GLG1: variants seen among roughly 807,000 people sequenced by gnomAD.
GLG1 encodes Golgi apparatus protein 1.
GLG1 carries 38 observed loss-of-function variants against 160.5 expected under a neutral mutation model. The ratio of observed to expected loss-of-function variants is 0.24; its 90% CI spans 0.18 to 0.31. GLG1 has a LOEUF of 0.31. GLG1 is among the 10% of genes least tolerant of loss of function. The probability of loss-of-function intolerance (pLI) is 1.00; values close to 1 mark genes in which losing one functional copy is unlikely to be tolerated. For synonymous variants in GLG1, 644 were observed against 543.4 expected (o/e 1.19, Z -2.57); for missense variants, 1,373 against 1,505.2 (o/e 0.91, Z 1.45).
At chr16:74,501,474 T>G (rs886616873) in intron 4 of GLG1, among the ~76,000 whole-genome samples, 23 of 152,212 alleles carry the variant, frequency 1.5e-4, no homozygotes, top group African/African-American at 5.3e-4. Context: ...TGTCGTGCCT[T>G]TTGGCTCCAG....
Position 74,503,723 on chromosome 16 carries a change from C to A in GLG1, c.582G>T (p.Pro194=). 1 of 1,611,702 alleles carries A rather than the reference C, an allele frequency of 6.2e-7. No homozygotes were observed. Residue 194 remains proline, a synonymous_variant, in exon 4 of 26, where the codon CCG becomes CCT. Coordinates refer to ENST00000422840, the MANE Select transcript of GLG1 (RefSeq NM_001145667.2). The part of the protein sequence containing the change: ...ITEIKECADE[P]VGKGYMVSCL... ...AGGAAACCATGTAACCTTTTCCAACCGGTTCATCAGCACATTCTTTAATCT... is the reference window on the plus strand; with the variant it reads ...AGGAAACCATGTAACCTTTTCCAACAGGTTCATCAGCACATTCTTTAATCT...
At chr16:74,528,742 G>T (rs965630247) in intron 2 of GLG1, among the ~76,000 whole-genome samples, 5 of 141,642 alleles carry the variant, frequency 3.5e-5, no homozygotes, top group African/African-American at 1.3e-4. Flanking sequence ...AACCCCAGAG[G>T]CGGAAGTTTC....
chr16:74,519,320 C>T (rs1234032021), intron 2 of GLG1, among the ~76,000 whole-genome samples: 1 of 147,016 alleles, frequency 6.8e-6, no homozygotes, highest in East Asian at 2.0e-4. Flanking sequence ...GAACATCACA[C>T]ACTGGGGCCT....
At chr16:74,567,109 G>C (rs1348115122) in intron 1 of GLG1, among the ~76,000 whole-genome samples, 1 of 151,616 alleles carries the variant, frequency 6.6e-6, no homozygotes, top group Non-Finnish European at 1.5e-5. Flanking sequence ...TAGCATTTTT[G>C]AATTTTCTAT....
At chr16:74,571,044 T>C (rs1431969907) in intron 1 of GLG1, among the ~76,000 whole-genome samples, 1 of 152,032 alleles carries the variant, frequency 6.6e-6, no homozygotes, top group African/African-American at 2.4e-5. Flanking sequence ...CAGTAAAACA[T>C]TAGCAAATGT....
chr16:74,487,393 A>C (rs944204850), intron 8 of GLG1, among the ~76,000 whole-genome samples: 1 of 151,904 alleles, frequency 6.6e-6, no homozygotes, highest in Non-Finnish European at 1.5e-5. Context: ...CATAGGTTAG[A>C]TCACAAATTT....
intron 11 of GLG1, among the ~76,000 whole-genome samples, chr16:74,477,977 A>AAAAAAAATAAATAAATAAAT (rs55773213): frequency 7.1e-6 from 1 of 140,148 alleles, no homozygotes; most frequent in Non-Finnish European, 1.5e-5. Flanking sequence ...CCGTCTCAAA[A>AAAAAAAATAAATAAATAAAT]AAATAAATAA....
chr16:74,554,256 A>G (rs2018288656), intron 1 of GLG1, among the ~76,000 whole-genome samples: 1 of 152,244 alleles, frequency 6.6e-6, no homozygotes, highest in Non-Finnish European at 1.5e-5. Context: ...GAGGAGAGCC[A>G]GGCGCCGTGA....
rs917261269 is a variant in GLG1, at chr16:74,452,958, G to A, written c.*209C>T. 1.0e-5 allele frequency: 13 copies of A among 1,261,160 alleles called. No homozygotes were observed. The highest frequency in any genetic ancestry group is 6.2e-5 in the South Asian group (2 of 32,448). The allele number at this position is 1,261,160 out of a possible 1,614,324, so 78.1% of individuals were successfully genotyped here. A position where few individuals can be genotyped will look rare whatever the true frequency, so the allele number is the denominator to read the frequency against. On this transcript the variant is annotated 3_prime_UTR_variant, in exon 26 of 26. Transcript: ENST00000422840. ...GCCAAACAAAGGCAGTAACCCCAGC[G>A]ACCAGCTGCTGCTGCTGCACGGTGA...
chr16:74,598,390 G>A (rs920300021), intron 1 of GLG1, among the ~76,000 whole-genome samples: 17 of 150,430 alleles, frequency 1.1e-4, no homozygotes, highest in Middle Eastern at 3.3e-3. Context: ...GCGTGGTGGC[G>A]GGCGCCTGTA....
intron 2 of GLG1, among the ~76,000 whole-genome samples, chr16:74,520,358 C>T (rs887124897): frequency 4.6e-5 from 7 of 152,248 alleles, no homozygotes; most frequent in South Asian, 2.1e-4. Flanking sequence ...AACACGTGGC[C>T]GGAGACGGTG....
chr16:74,527,883 TTC>T (rs2017390730), intron 2 of GLG1, among the ~76,000 whole-genome samples: 1 of 84,478 alleles, frequency 1.2e-5, no homozygotes, highest in Non-Finnish European at 2.1e-5. Flanking sequence ...CGGTGGTTAA[TTC>T]TTTTTTTTTT....
At chr16:74,457,402 A>C (rs1049746507) in intron 24 of GLG1, among the ~76,000 whole-genome samples, 1 of 152,146 alleles carries the variant, frequency 6.6e-6, no homozygotes, top group African/African-American at 2.4e-5. Flanking sequence ...GTCTCAAAAA[A>C]ATAAATAAAA....
chr16:74,473,885 C>T (rs548543682), intron 13 of GLG1, among the ~76,000 whole-genome samples: 17 of 152,194 alleles, frequency 1.1e-4, no homozygotes, highest in South Asian at 2.1e-4. Flanking sequence ...ACTAAAAGAG[C>T]GAGGGATGAG....
chr16:74,466,049 A>C (rs2014988578), intron 18 of GLG1, among the ~76,000 whole-genome samples: 1 of 152,212 alleles, frequency 6.6e-6, no homozygotes, highest in Non-Finnish European at 1.5e-5. Context: ...AGCCTAATGG[A>C]AAAGAAACAC....
intron 1 of GLG1, among the ~76,000 whole-genome samples, chr16:74,571,156 TGA>T (rs2018815762): frequency 1.3e-5 from 2 of 152,108 alleles, no homozygotes; most frequent in Admixed American, 1.3e-4. Context: ...AGCTAGATGA[TGA>T]GACATGGAGC....
At chr16:74,533,177 C>A (rs71391092) in intron 1 of GLG1, among the ~76,000 whole-genome samples, 1 of 151,882 alleles carries the variant, frequency 6.6e-6, no homozygotes, top group Admixed American at 6.6e-5. Context: ...AAAAATTAGC[C>A]GGGCGTGGTG....
chr16:74,533,954 G>C (rs868488841), intron 1 of GLG1, among the ~76,000 whole-genome samples: 3 of 152,160 alleles, frequency 2.0e-5, no homozygotes, highest in African/African-American at 4.8e-5. Context: ...AAAGAAAATA[G>C]AACACATCAA....
intron 1 of GLG1, among the ~76,000 whole-genome samples, chr16:74,582,161 ATC>A (rs1489131525): frequency 1.3e-5 from 2 of 151,970 alleles, no homozygotes; most frequent in Admixed American, 6.6e-5. Flanking sequence ...GATCTCCATA[ATC>A]TGTTTTTTTG....
Sources: allele counts gnomAD v4.1 joint callset (sites outside exome capture counted in the v4.1 genomes callset), GRCh38; gene constraint gnomAD v4.1.1; transcripts MANE v1.5; gene names NCBI Gene and HGNC (gene_info 2026-07-23, HGNC 2026-07-21).